EPHA3: variants seen among roughly 807,000 people sequenced by gnomAD.
EPHA3 encodes EPH receptor A3, also known as ephrin type-A receptor 3.
EPHA3 carries 42 observed loss-of-function variants against 107.1 expected under a neutral mutation model. The observed-to-expected ratio is 0.39, with a 90% CI of 0.31 to 0.51. The LOEUF (loss-of-function observed/expected upper bound fraction) is 0.51, where lower values mean the gene tolerates loss of function less well. Among genes scored for constraint, EPHA3 ranks in the 20% least tolerant of loss-of-function variants. The probability of loss-of-function intolerance (pLI) is 0.78; values close to 1 mark genes in which losing one functional copy is unlikely to be tolerated. For synonymous variants in EPHA3, 461 were observed against 424.8 expected (o/e 1.09, Z -1.05); for missense variants, 1,183 against 1,211.2 (o/e 0.98, Z 0.35).
intron 1 of EPHA3, among the ~76,000 whole-genome samples, chr3:89,126,002 C>T (rs1271163283): frequency 6.6e-6 from 1 of 150,928 alleles, no homozygotes. Context: ...TTAATGTTTG[C>T]TTTGCAAAAA....
At chr3:89,136,604 G>C (rs1056683484) in intron 2 of EPHA3, among the ~76,000 whole-genome samples, 1 of 151,474 alleles carries the variant, frequency 6.6e-6, no homozygotes, top group African/African-American at 2.4e-5. Context: ...TAAAAATATG[G>C]CATGTACTAT....
At chr3:89,220,378 C>T (rs1237798039) in intron 3 of EPHA3, among the ~76,000 whole-genome samples, 2 of 152,008 alleles carry the variant, frequency 1.3e-5, no homozygotes, top group Non-Finnish European at 2.9e-5. Flanking sequence ...AAAGTGACAC[C>T]TCTGCAAGAA....
At chr3:89,195,736 C>T (rs1165232713) in intron 2 of EPHA3, among the ~76,000 whole-genome samples, 1 of 152,132 alleles carries the variant, frequency 6.6e-6, no homozygotes, top group African/African-American at 2.4e-5. Flanking sequence ...GTCCTCATTA[C>T]CTGTCCCTTA....
At chr3:89,323,227 A>T (rs905914827) in intron 3 of EPHA3, among the ~76,000 whole-genome samples, 1 of 152,126 alleles carries the variant, frequency 6.6e-6, no homozygotes, top group African/African-American at 2.4e-5. Flanking sequence ...GTGTGTCAAT[A>T]CTTACTAATT....
chr3:89,471,452 T>C (rs1243489282), intron 15 of EPHA3, among the ~76,000 whole-genome samples: 1 of 152,194 alleles, frequency 6.6e-6, no homozygotes, highest in African/African-American at 2.4e-5. Flanking sequence ...CACCGCAACC[T>C]TCGCCTCCCA....
At chr3:89,320,172 A>T (rs1414132502) in intron 3 of EPHA3, among the ~76,000 whole-genome samples, 1 of 152,002 alleles carries the variant, frequency 6.6e-6, no homozygotes, top group Admixed American at 6.6e-5. Context: ...ACATACTTGC[A>T]AGAACAAAGA....
At position 89,472,590 on chromosome 3, in the gene EPHA3, T is replaced by C. The variant is rs1476014105; in HGVS notation, c.2817T>C (p.Ser939=). 1.9e-6 allele frequency: 3 copies of C among 1,612,508 alleles called. No individual in the cohort carries two copies. In the Admixed American group the frequency reaches 5.0e-5, roughly 27 times the overall value. Residue 939 remains serine, a synonymous_variant, in exon 16 of 17, where the codon TCT becomes TCC. Coordinates refer to ENST00000336596, the MANE Select transcript of EPHA3 (RefSeq NM_005233.6). ...TCTTCACGGGTGTGGAGTACAGTTC[T>C]TGTGACACAATAGCCAAGATTTCCA... ...KEIFTGVEYS[S]CDTIAKISTD...
intron 5 of EPHA3, among the ~76,000 whole-genome samples, chr3:89,394,762 A>G (rs1450187141): frequency 1.3e-5 from 2 of 152,260 alleles, no homozygotes; most frequent in South Asian, 2.1e-4. Context: ...AAAAATCTAT[A>G]TAAAAATAAG....
chr3:89,397,582 T>C (rs1363508656), intron 6 of EPHA3, among the ~76,000 whole-genome samples: 2 of 137,494 alleles, frequency 1.5e-5, no homozygotes, highest in Non-Finnish European at 3.0e-5. Context: ...ATCATTGCCT[T>C]TTTTTTTTTT....
chr3:89,143,867 A>G (rs1009630183), intron 2 of EPHA3, among the ~76,000 whole-genome samples: 9 of 151,632 alleles, frequency 5.9e-5, no homozygotes, highest in African/African-American at 2.2e-4. Flanking sequence ...AGTCAATAAT[A>G]TATTTTACCA....
At position 89,461,299 on chromosome 3, in the gene EPHA3, G is replaced by A. The variant is rs1446161407; in HGVS notation, c.2690+10929G>A. Reference sequence around the variant, plus strand: ...CCGCAATAAACATACGTGTGCATGTGTCTTTATAGCAGCATGATTTATACT... The same window carrying A: ...CCGCAATAAACATACGTGTGCATGTATCTTTATAGCAGCATGATTTATACT... On this transcript the variant is annotated intron_variant, in intron 15 of 16. Transcript: ENST00000336596. Among the ~76,000 whole-genome samples, 18 of 97,982 alleles carry A rather than the reference G, an allele frequency of 1.8e-4. No homozygotes were observed. The East Asian group carries it at 2.3e-3, about 13-fold the overall frequency. The allele number at this position is 97,982 out of a possible 152,430, so 64.3% of individuals were successfully genotyped here.
At chr3:89,134,630 G>C (rs1367396612) in intron 2 of EPHA3, among the ~76,000 whole-genome samples, 1 of 151,988 alleles carries the variant, frequency 6.6e-6, no homozygotes, top group Non-Finnish European at 1.5e-5. Context: ...TTCGACATTT[G>C]GGTTGGTTCC....
chr3:89,458,937 C>T (rs573536283), intron 15 of EPHA3, among the ~76,000 whole-genome samples: 1 of 152,160 alleles, frequency 6.6e-6, no homozygotes, highest in Non-Finnish European at 1.5e-5. Flanking sequence ...AACAGAAAAC[C>T]AAACACTGCA....
chr3:89,475,943 A>G (rs1710496588), intron 16 of EPHA3, among the ~76,000 whole-genome samples: 1 of 152,074 alleles, frequency 6.6e-6, no homozygotes, highest in Non-Finnish European at 1.5e-5. Flanking sequence ...AGAGTAGTGG[A>G]CAGAAGATAT....
intron 2 of EPHA3, among the ~76,000 whole-genome samples, chr3:89,181,865 T>C (rs533041791): frequency 2.0e-5 from 3 of 152,120 alleles, no homozygotes; most frequent in Admixed American, 2.0e-4. Flanking sequence ...GAAATGGTTT[T>C]CAATTATTTG....
At chr3:89,369,347 G>T (rs531787198) in intron 5 of EPHA3, among the ~76,000 whole-genome samples, 1 of 150,294 alleles carries the variant, frequency 6.7e-6, no homozygotes, top group Non-Finnish European at 1.5e-5. Context: ...ATAATGCCAC[G>T]TATCTACAAC....
At chr3:89,378,877 A>C (rs773390816) in intron 5 of EPHA3, among the ~76,000 whole-genome samples, 1 of 152,198 alleles carries the variant, frequency 6.6e-6, no homozygotes, top group Non-Finnish European at 1.5e-5. Context: ...TCAGTTAATC[A>C]GTTCTCAAAA....
chr3:89,220,707 C>A (rs1704352205), intron 3 of EPHA3, among the ~76,000 whole-genome samples: 2 of 152,088 alleles, frequency 1.3e-5, no homozygotes, highest in African/African-American at 4.8e-5. Context: ...ACATTTGACT[C>A]CCTTTTTTCT....
At chr3:89,207,569 C>G (rs1433646681) in intron 2 of EPHA3, among the ~76,000 whole-genome samples, 1 of 138,356 alleles carries the variant, frequency 7.2e-6, no homozygotes, top group Non-Finnish European at 1.6e-5. Flanking sequence ...AAAATCATAA[C>G]ATAGTGTCAA....
Sources: gnomAD v4.1 joint callset for allele counts (sites outside exome capture counted in the v4.1 genomes callset) on GRCh38, gnomAD v4.1.1 for gene constraint, MANE v1.5 for transcripts, NCBI Gene and HGNC (gene_info 2026-07-23, HGNC 2026-07-21) for gene names.